HTT: variants seen among roughly 807,000 people sequenced by gnomAD.
HTT encodes the protein huntington disease protein.
HTT carries 104 observed loss-of-function variants against 362.3 expected under a neutral mutation model. The observed-to-expected ratio is 0.29, with a 90% CI of 0.24 to 0.34. HTT has a LOEUF of 0.34. Ranked by LOEUF, HTT falls within the 10% of genes least tolerant of loss-of-function variation. The probability of loss-of-function intolerance (pLI) is 1.00; values close to 1 mark genes in which losing one functional copy is unlikely to be tolerated. For synonymous variants in HTT, 1,577 were observed against 1,548.7 expected (o/e 1.02, Z -0.43); for missense variants, 3,301 against 3,928.6 (o/e 0.84, Z 4.27).
At chr4:3,086,672 A>G (rs924188536) in intron 1 of HTT, among the ~76,000 whole-genome samples, 1 of 151,996 alleles carries the variant, frequency 6.6e-6, no homozygotes, top group African/African-American at 2.4e-5. Flanking sequence ...TCCTGACTCT[A>G]AAAAAAAGTA....
rs1313019496 is a variant in HTT, at chr4:3,148,144, G to A, written c.3435G>A (p.Leu1145=). The change falls in exon 26 of 67, where the codon CTG becomes CTA. Residue 1145 remains leucine, a synonymous_variant. Transcript: ENST00000355072. The stretch of plus-strand genomic sequence containing the variant: ...TGGTGGAGCAGCTCTTCTCTCACCT[G>A]CTGAAGGTGATTAACATTTGTGCCC... ...VPMVEQLFSH[L]LKVINICAHV... is the part of the protein sequence containing the mutation. 5 of 1,613,174 alleles carry A rather than the reference G, an allele frequency of 3.1e-6. No homozygotes were observed. The highest frequency in any genetic ancestry group is 4.2e-6 in the Non-Finnish European group (5 of 1,179,564).
At position 3,241,681 on chromosome 4, in the gene HTT, C is replaced by T. The variant is rs942986349; in HGVS notation, c.*1622C>T. On this transcript the variant is annotated 3_prime_UTR_variant, in exon 67 of 67. Coordinates refer to ENST00000355072, the MANE Select transcript of HTT (RefSeq NM_001388492.1). Reference sequence around the variant, plus strand: ...TGAGACCCCCAAGCTTCCACCTGTCCCTCTCCTATGTGGCAGCTGGGGAGC... The same window carrying T: ...TGAGACCCCCAAGCTTCCACCTGTCTCTCTCCTATGTGGCAGCTGGGGAGC... The T allele has an allele frequency of 3.3e-5, 5 of 152,240 alleles. No individual in the cohort carries two copies. The highest frequency in any genetic ancestry group is 1.2e-4 in the African/African-American group (5 of 41,440). The allele number at this position is 152,240 out of a possible 1,614,324, so 9.4% of individuals were successfully genotyped here. A position where few individuals can be genotyped will look rare whatever the true frequency, so the allele number is the denominator to read the frequency against.
At chr4:3,201,808 A>G (rs1260951008) in intron 41 of HTT, among the ~76,000 whole-genome samples, 1 of 152,132 alleles carries the variant, frequency 6.6e-6, no homozygotes, top group East Asian at 1.9e-4. Context: ...GTATCTTTTT[A>G]TTTCCATGAG....
In HTT at chr4:3,235,377, A is replaced by C. The variant is rs1485578021; in HGVS notation, c.8550A>C (p.Glu2850Asp). ...IENYPLDVGP[E>D]FSASIIQMCG... The stretch of plus-strand genomic sequence containing the variant: ...ACTATCCTCTGGACGTAGGGCCGGA[A>C]TTTTCAGCATCAATAATACAGGTGA... Residue 2850 changes from glutamate to aspartate, a missense_variant, in exon 62 of 67, where the codon GAA becomes GAC. Around this residue, in one of 4 missense-constraint regions of HTT, gnomAD observed 753 missense variants for 1,021.3 expected, o/e 0.74. Transcript: ENST00000355072. 1.9e-6 allele frequency: 3 copies of C among 1,611,940 alleles called. No individual in the cohort carries two copies. The highest frequency in any genetic ancestry group is 2.5e-6 in the Non-Finnish European group (3 of 1,178,012).
rs752574723 is a variant in HTT at position 3,186,674 on chromosome 4, G to A, written c.4944G>A (p.Pro1648=). The change falls in exon 38 of 67, where the codon CCG becomes CCA. Residue 1648 remains proline (P), a synonymous_variant. Coordinates refer to ENST00000355072, the MANE Select transcript of HTT (RefSeq NM_001388492.1). Reference sequence around the variant, plus strand: ...TTTTGGCCCCTTCCTCCCTCCGTCCGGTAGACATGCTTTTACGGAGTATGT... The same window carrying A: ...TTTTGGCCCCTTCCTCCCTCCGTCCAGTAGACATGCTTTTACGGAGTATGT... The part of the protein sequence containing the change: ...FEILAPSSLR[P]VDMLLRSMFV... 1.2e-5 allele frequency: 19 copies of A among 1,613,334 alleles called. No homozygotes were observed. The highest frequency in any genetic ancestry group is 4.0e-5 in the African/African-American group (3 of 74,826).
In HTT at chr4:3,228,470, C is replaced by T. The variant is rs1721028755; in HGVS notation, c.7849-145C>T. On this transcript the variant is annotated intron_variant, in intron 57 of 66. Coordinates refer to ENST00000355072, the MANE Select transcript of HTT (RefSeq NM_001388492.1). This position sits in a 1 kb window ranked among gnomAD's most constrained non-coding sequence, Gnocchi z 4.3. Reference sequence around the variant, plus strand: ...CCACCCTCTCTGTGGGCTCCCTTGCCCGTAACCTGGGGTGTCTGAACGACC... The same window carrying T: ...CCACCCTCTCTGTGGGCTCCCTTGCTCGTAACCTGGGGTGTCTGAACGACC... The T allele has an allele frequency of 1.2e-6, 1 of 848,410 alleles. No homozygotes were observed. Among genetic ancestry groups the T allele is most frequent in the Non-Finnish European group, 1.7e-6 (1 of 583,086 alleles). 52.6% of individuals were successfully genotyped at this position (848,410 alleles called of 1,614,324 possible). A position where few individuals can be genotyped will look rare whatever the true frequency, so the allele number is the denominator to read the frequency against.
chr4:3,162,901 T>C (rs7667354), intron 29 of HTT, among the ~76,000 whole-genome samples: 26,787 of 152,124 alleles, frequency 0.18, 3,505 homozygotes, highest in African/African-American at 0.37. Flanking sequence ...TCTCTTCCTA[T>C]TTGAATACCC....
intron 53 of HTT, among the ~76,000 whole-genome samples, chr4:3,221,773 G>A (rs1411099311): frequency 6.6e-6 from 1 of 152,210 alleles, no homozygotes; most frequent in African/African-American, 2.4e-5. Flanking sequence ...GGGATGGAGG[G>A]TCTGTCGGAT....
chr4:3,196,828 C>G (rs1030844468), intron 40 of HTT, among the ~76,000 whole-genome samples: 1 of 152,100 alleles, frequency 6.6e-6, no homozygotes, highest in Non-Finnish European at 1.5e-5. Context: ...CTCTTTTACA[C>G]TTAACAGCCA....
chr4:3,075,326 A>G (rs931220991), intron 1 of HTT, among the ~76,000 whole-genome samples: 2 of 152,180 alleles, frequency 1.3e-5, no homozygotes, highest in Non-Finnish European at 2.9e-5. Flanking sequence ...GGGGAGGCAG[A>G]GCCTTGTTGG....
At position 3,209,865 on chromosome 4, in the gene HTT, C is replaced by G. The variant is rs1457135686; in HGVS notation, c.6330C>G (p.Thr2110=). Residue 2110 remains threonine (T), a synonymous_variant, in exon 47 of 67, where the codon ACC becomes ACG. Coordinates refer to ENST00000355072, the MANE Select transcript of HTT (RefSeq NM_001388492.1). Reference sequence around the variant, plus strand: ...ATCTTGTCAAATCCCAGTGTTGGACCAGGTCAGATTCTGCACTGCTGGAAG... The same window carrying G: ...ATCTTGTCAAATCCCAGTGTTGGACGAGGTCAGATTCTGCACTGCTGGAAG... ...YVHLVKSQCW[T]RSDSALLEGA... 25 of 1,614,004 alleles carry G rather than the reference C, an allele frequency of 1.5e-5. No homozygotes were observed. The Admixed American group carries it at 4.2e-4, about 27-fold the overall frequency.
Position 3,178,462 on chromosome 4 carries a change from T to G in HTT, c.4612+16T>G. ...GTGACACATGGTAACGGGACACACC[T>G]TTCACTGTCGTCTTCGGTGTCGTGA... On this transcript the variant is annotated intron_variant, in intron 35 of 66. Transcript: ENST00000355072. The G allele has an allele frequency of 6.2e-7, 1 of 1,610,840 alleles. No homozygotes were observed. The highest frequency in any genetic ancestry group is 8.5e-7 in the Non-Finnish European group (1 of 1,178,396).
intron 37 of HTT, 58 bp downstream of exon 37, chr4:3,182,528 T>G (rs1024950016): frequency 3.9e-5 from 43 of 1,089,060 alleles, no homozygotes; most frequent in Non-Finnish European, 5.9e-5. Flanking sequence ...AAGGTCCTTG[T>G]GAAAGGTGGG....
Position 3,132,335 on chromosome 4 carries a change from A to G in HTT, c.2237-227A>G, listed in dbSNP as rs368925816. Reference sequence around the variant, plus strand: ...CTGACAACCTAGAATTATAATCCAGAAAGTCTGTGGTATTGAGGACATATT... The same window carrying G: ...CTGACAACCTAGAATTATAATCCAGGAAGTCTGTGGTATTGAGGACATATT... On this transcript the variant is annotated intron_variant, in intron 16 of 66. Coordinates refer to ENST00000355072, the MANE Select transcript of HTT (RefSeq NM_001388492.1). 2.0e-5 allele frequency among the ~76,000 whole-genome samples: 3 copies of G among 152,282 alleles called. No individual in the cohort carries two copies. The East Asian group carries it at 5.8e-4, about 29-fold the overall frequency.
chr4:3,187,577 C>T (rs1208846506), intron 38 of HTT, 74 bp from the exon 39 acceptor site: 1 of 1,057,610 alleles, frequency 9.5e-7, no homozygotes, highest in East Asian at 2.4e-5. Context: ...TTTTCTTTCA[C>T]AAAATTGGCA....
chr4:3,088,824 AT>A (rs1713351646), intron 2 of HTT, among the ~76,000 whole-genome samples: 1 of 152,036 alleles, frequency 6.6e-6, no homozygotes, highest in South Asian at 2.1e-4. Flanking sequence ...AAACCGTTTC[AT>A]TTTAGGTTAA....
chr4:3,137,652 T>A (rs1716132179), intron 21 of HTT, among the ~76,000 whole-genome samples: 1 of 152,202 alleles, frequency 6.6e-6, no homozygotes, highest in Admixed American at 6.5e-5. Context: ...TGAGCAGAGA[T>A]CGCGCCACTG....
chr4:3,074,945 A>ACCGCCGCCG lies in HTT; in HGVS notation c.135_143dup (p.Pro47_Pro49dup), dbSNP rs772429544. 83,271 of 1,186,912 alleles carry ACCGCCGCCG rather than the reference A, an allele frequency of 0.07. 8,843 individuals carry two copies. Among genetic ancestry groups the ACCGCCGCCG allele is most frequent in the East Asian group, 0.11 (3,591 of 31,502 alleles). The allele number at this position is 1,186,912 out of a possible 1,614,324, so 73.5% of individuals were successfully genotyped here. The stretch of plus-strand genomic sequence containing the variant: ...AGCAGCAGCAGCAGCAACAGCCGCC[A>ACCGCCGCCG]CCGCCGCCGCCGCCGCCGCCGCCTC... On this transcript the variant is annotated inframe_insertion, in exon 1 of 67. Coordinates refer to ENST00000355072, the MANE Select transcript of HTT (RefSeq NM_001388492.1).
chr4:3,205,990 G>C (rs1013053087), intron 42 of HTT, among the ~76,000 whole-genome samples: 1 of 152,244 alleles, frequency 6.6e-6, no homozygotes, highest in East Asian at 1.9e-4. Context: ...TTCATATTTT[G>C]GATTCAACAG....
Sources: allele counts gnomAD v4.1 joint callset (sites outside exome capture counted in the v4.1 genomes callset), GRCh38; gene constraint gnomAD v4.1.1; regional missense constraint gnomAD v4.1.1; non-coding constraint Gnocchi (gnomAD v3.1); transcripts MANE v1.5; gene names NCBI Gene and HGNC (gene_info 2026-07-23, HGNC 2026-07-21).